Variants in KLHL14 observed in about 807,000 individuals in gnomAD.
KLHL14 encodes kelch like family member 14, also known as kelch-like protein 14.
Under a neutral mutation model 64.3 loss-of-function variants are expected in KLHL14, and 22 were observed. That is an observed-to-expected ratio of 0.34 (90% CI 0.24 to 0.49). The LOEUF (loss-of-function observed/expected upper bound fraction) is 0.49, where lower values mean the gene tolerates loss of function less well. Among genes scored for constraint, KLHL14 ranks in the 20% least tolerant of loss-of-function variants. The pLI is 0.99. For missense variants in KLHL14, 661 were observed against 789.0 expected (o/e 0.84, Z 1.94); for synonymous variants, 322 against 333.4 (o/e 0.97, Z 0.37).
rs746112795 is a variant in KLHL14 at position 32,680,234 on chromosome 18, C to T, written c.1523G>A (p.Arg508His). The T allele has an allele frequency of 6.2e-7, 1 of 1,613,780 alleles. No individual in the cohort carries two copies. The highest frequency in any genetic ancestry group is 1.1e-5 in the South Asian group (1 of 91,080). Reference sequence around the variant, plus strand: ...CATTACAGCCAAAGTGTGAATTGCACGTTTTGTGTTCATATCTTGTTTTCG... The same window carrying T: ...CATTACAGCCAAAGTGTGAATTGCATGTTTTGTGTTCATATCTTGTTTTCG... Reference protein sequence around the residue: ...WARKQDMNTKRAIHTLAVMND... With the variant: ...WARKQDMNTKHAIHTLAVMND... Residue 508 changes from arginine to histidine, a missense_variant, in exon 7 of 9, where the codon CGT becomes CAT. This residue lies in a region of KLHL14 where 330 missense variants were observed against 450.0 expected (regional missense o/e 0.73). Coordinates refer to ENST00000359358, the MANE Select transcript of KLHL14 (RefSeq NM_020805.3). The surrounding 1 kb of genome is among the most constrained non-coding windows in gnomAD (Gnocchi z 4.8).
chr18:32,673,042 T>C lies in KLHL14; in HGVS notation c.*1615A>G, dbSNP rs1446729565. 1 of 133,278 alleles carries C rather than the reference T, an allele frequency of 7.5e-6. No individual in the cohort carries two copies. Among genetic ancestry groups the C allele is most frequent in the African/African-American group, 3.3e-5 (1 of 30,516 alleles). 8.3% of individuals were successfully genotyped at this position (133,278 alleles called of 1,614,324 possible). On this transcript the variant is annotated 3_prime_UTR_variant, in exon 9 of 9. Transcript: ENST00000359358. The stretch of plus-strand genomic sequence containing the variant: ...TAACTTTTCTTTCTATATACTCATA[T>C]GTTTTAAGGAAAAAGAAATGACAGT...
chr18:32,678,758 T>C (rs2049823575), intron 7 of KLHL14, among the ~76,000 whole-genome samples: 1 of 152,092 alleles, frequency 6.6e-6, no homozygotes, highest in Admixed American at 6.6e-5. Flanking sequence ...ATAACTAGAA[T>C]CAAACCTAGG....
Position 32,769,918 on chromosome 18 carries a change from A to G in KLHL14, c.674T>C (p.Leu225Pro). The G allele has an allele frequency of 6.2e-7, 1 of 1,614,128 alleles. No individual in the cohort carries two copies. Among genetic ancestry groups the G allele is most frequent in the Non-Finnish European group, 8.5e-7 (1 of 1,180,036 alleles). Residue 225 changes from leucine to proline, a missense_variant, in exon 2 of 9, where the codon CTG becomes CCG. Leu to Pro is a moderately conservative substitution (Grantham distance 98). This residue lies in a region of KLHL14 where 331 missense variants were observed against 339.0 expected (regional missense o/e 0.98). Transcript: ENST00000359358. ...CTCCACGGGGGGCGGCAGCGAGTCC[A>G]GCAGGGCGCGCATCTCCTCGAAGTT... ...LLNFEEMRAL[L>P]DSLPPPVESE... is the part of the protein sequence containing the mutation.
chr18:32,759,581 A>G (rs578149616), intron 2 of KLHL14, among the ~76,000 whole-genome samples: 44 of 152,184 alleles, frequency 2.9e-4, no homozygotes, highest in Admixed American at 4.6e-4. Context: ...TAAGTAAATT[A>G]CCCAAGGAGA....
At chr18:32,735,622 T>C (rs1236354101) in intron 3 of KLHL14, among the ~76,000 whole-genome samples, 1 of 152,152 alleles carries the variant, frequency 6.6e-6, no homozygotes, top group East Asian at 1.9e-4. Flanking sequence ...GCCATTTCTT[T>C]AGTAATATTC....
intron 2 of KLHL14, among the ~76,000 whole-genome samples, chr18:32,750,541 C>G (rs756727223): frequency 1.3e-5 from 2 of 152,092 alleles, no homozygotes; most frequent in Admixed American, 6.5e-5. Flanking sequence ...AATATAAAAT[C>G]ACTGGACTTC....
At chr18:32,712,993 G>A (rs1011234304) in intron 3 of KLHL14, among the ~76,000 whole-genome samples, 6 of 152,000 alleles carry the variant, frequency 3.9e-5, no homozygotes, top group African/African-American at 1.4e-4. Context: ...TCCTCAATCT[G>A]TAAGCCAGCA....
chr18:32,715,309 T>A (rs2050039763), intron 3 of KLHL14, among the ~76,000 whole-genome samples: 1 of 152,148 alleles, frequency 6.6e-6, no homozygotes, highest in South Asian at 2.1e-4. Context: ...TGTATATGTG[T>A]GTGGAAAAAT....
chr18:32,696,591 C>T (rs2049937837), intron 3 of KLHL14, among the ~76,000 whole-genome samples: 1 of 152,088 alleles, frequency 6.6e-6, no homozygotes, highest in Non-Finnish European at 1.5e-5. Flanking sequence ...GGAACTTATT[C>T]CTTGACACGG....
intron 3 of KLHL14, among the ~76,000 whole-genome samples, chr18:32,722,720 T>C (rs2144511792): frequency 6.6e-6 from 1 of 152,242 alleles, no homozygotes; most frequent in South Asian, 2.1e-4. Context: ...CTCAGAACTT[T>C]TGGAGGCTGA....
chr18:32,772,526 G>A (rs564050752), intron 1 of KLHL14, 141 bp downstream of exon 1: 1 of 153,278 alleles, frequency 6.5e-6, no homozygotes, highest in Non-Finnish European at 1.4e-5. Context: ...TGCAATAGGA[G>A]TTTTTTCTTT....
chr18:32,760,704 G>C (rs1206339467), intron 2 of KLHL14, among the ~76,000 whole-genome samples: 2 of 152,136 alleles, frequency 1.3e-5, no homozygotes, highest in African/African-American at 4.8e-5. Flanking sequence ...CATGTGAAAG[G>C]CTTTGGGAGC....
chr18:32,719,165 C>G (rs2050062433), intron 3 of KLHL14, among the ~76,000 whole-genome samples: 1 of 152,196 alleles, frequency 6.6e-6, no homozygotes, highest in Admixed American at 6.5e-5. Context: ...TCAGGCTGGT[C>G]TCAAACTCCC....
chr18:32,741,161 T>A (rs1051513796), intron 3 of KLHL14, among the ~76,000 whole-genome samples: 12 of 152,214 alleles, frequency 7.9e-5, no homozygotes, highest in African/African-American at 2.9e-4. Flanking sequence ...AATTTAGTTT[T>A]ATTGACCAGT....
intron 2 of KLHL14, 58 bp downstream of exon 2, chr18:32,769,587 C>CA: frequency 2.6e-6 from 2 of 777,892 alleles, no homozygotes; most frequent in East Asian, 4.2e-5. Flanking sequence ...CCTCCCCTCC[C>CA]TCCGGCCTCT....
intron 1 of KLHL14, among the ~76,000 whole-genome samples, chr18:32,771,360 G>C (rs374908947): frequency 6.6e-6 from 1 of 152,180 alleles, no homozygotes; most frequent in Non-Finnish European, 1.5e-5. Flanking sequence ...GGCAGAGGCG[G>C]GAGCTGTCCT....
chr18:32,688,464 G>A (rs1297837367), intron 4 of KLHL14, among the ~76,000 whole-genome samples: 1 of 152,198 alleles, frequency 6.6e-6, no homozygotes, highest in Admixed American at 6.5e-5. Context: ...ATCAAGTAGC[G>A]ATGAACGCTA....
intron 3 of KLHL14, among the ~76,000 whole-genome samples, chr18:32,716,130 A>T (rs1422835793): frequency 7.2e-5 from 11 of 152,232 alleles, no homozygotes; most frequent in Admixed American, 7.2e-4. Flanking sequence ...TTCTTGGATT[A>T]TAATGATAAA....
At chr18:32,750,625 G>A (rs535347583) in intron 2 of KLHL14, among the ~76,000 whole-genome samples, 83 of 152,306 alleles carry the variant, frequency 5.4e-4, no homozygotes, top group African/African-American at 1.9e-3. Flanking sequence ...AGCTGCCTCT[G>A]TTAGGGTAGT....
Sources: gnomAD v4.1 joint callset for allele counts (sites outside exome capture counted in the v4.1 genomes callset) on GRCh38, gnomAD v4.1.1 for gene constraint, gnomAD v4.1.1 regional missense constraint, Gnocchi (gnomAD v3.1) non-coding constraint, MANE v1.5 for transcripts, NCBI Gene and HGNC (gene_info 2026-07-23, HGNC 2026-07-21) for gene names.